The following RERE variants were observed in gnomAD, a reference collection of about 807,000 sequenced individuals.
RERE encodes arginine-glutamic acid dipeptide repeats, also known as arginine-glutamic acid dipeptide repeats protein.
Under a neutral mutation model 146.1 loss-of-function variants are expected in RERE, and 40 were observed. The observed-to-expected ratio is 0.27, with a 90% CI of 0.21 to 0.36. The LOEUF (loss-of-function observed/expected upper bound fraction) is 0.36, where lower values mean the gene tolerates loss of function less well. RERE is among the 10% of genes least tolerant of loss of function. The pLI, the probability that RERE is intolerant of heterozygous loss-of-function variation, is 1.00. For synonymous variants in RERE, 1,003 were observed against 866.0 expected, an observed-to-expected ratio of 1.16 and a Z score of -2.78; for missense variants, 1,933 against 2,138.7, an observed-to-expected ratio of 0.90 and a Z score of 1.90.
intron 1 of RERE, chr1:8,703,010 C>T (rs1639486662): frequency 6.6e-6 from 1 of 151,932 alleles, no homozygotes; most frequent in Non-Finnish European, 1.5e-5. Flanking sequence ...CTTTCTGGCC[C>T]GAGATTCGCG....
At chr1:8,571,968 A>G (rs1646226518) in intron 4 of RERE, among the ~76,000 whole-genome samples, 1 of 152,232 alleles carries the variant, frequency 6.6e-6, no homozygotes. Context: ...ATTTTTGTCA[A>G]AAAGATTCTG....
intron 1 of RERE, among the ~76,000 whole-genome samples, chr1:8,684,960 C>G (rs1215760749): frequency 6.6e-6 from 1 of 152,194 alleles, no homozygotes; most frequent in Non-Finnish European, 1.5e-5. Flanking sequence ...TGGGCTCAAG[C>G]AATCCTCCTG....
intron 11 of RERE, among the ~76,000 whole-genome samples, chr1:8,433,553 CTT>C (rs35096712): frequency 1.3e-4 from 17 of 130,170 alleles, no homozygotes; most frequent in Admixed American, 2.3e-4. Flanking sequence ...CCATTCATTT[CTT>C]TTTTTTTTTT....
intron 11 of RERE, among the ~76,000 whole-genome samples, chr1:8,430,577 T>C (rs558651482): frequency 1.3e-5 from 2 of 152,184 alleles, no homozygotes; most frequent in Non-Finnish European, 2.9e-5. Context: ...ACGTCCTCCA[T>C]AGTTTTAGGA....
chr1:8,701,339 C>T (rs1407661423), intron 1 of RERE, among the ~76,000 whole-genome samples: 1 of 151,778 alleles, frequency 6.6e-6, no homozygotes, highest in East Asian at 1.9e-4. Context: ...CACTCCCTCC[C>T]TCCCTCTCTC....
chr1:8,617,324 C>CA (rs1162428144), intron 3 of RERE, among the ~76,000 whole-genome samples: 1 of 102,274 alleles, frequency 9.8e-6, no homozygotes, highest in East Asian at 2.8e-4. Context: ...GCCTGGGTGA[C>CA]AAGAGTGAAA....
intron 4 of RERE, among the ~76,000 whole-genome samples, chr1:8,607,584 C>T (rs1336109486): frequency 1.9e-5 from 2 of 102,724 alleles, no homozygotes; most frequent in South Asian, 3.3e-4. Context: ...CTCGCTCTGT[C>T]GTCGAGGCTG....
At chr1:8,395,277 C>T (rs1570133282) in intron 12 of RERE, among the ~76,000 whole-genome samples, 1 of 151,986 alleles carries the variant, frequency 6.6e-6, no homozygotes, top group Non-Finnish European at 1.5e-5. Flanking sequence ...AGTTCAAGAC[C>T]GGCCTCGCCA....
At chr1:8,603,318 T>C (rs1006385804) in intron 4 of RERE, among the ~76,000 whole-genome samples, 7 of 152,216 alleles carry the variant, frequency 4.6e-5, no homozygotes, top group East Asian at 1.9e-4. Flanking sequence ...AGTCACTTCA[T>C]GGCAAGCTGT....
At chr1:8,385,451 C>CA (rs777668233) in intron 12 of RERE, among the ~76,000 whole-genome samples, 1 of 152,018 alleles carries the variant, frequency 6.6e-6, no homozygotes, top group South Asian at 2.1e-4. Flanking sequence ...GATGCAACTG[C>CA]AAAAAACTGA....
chr1:8,698,793 C>T (rs750170175), intron 1 of RERE, among the ~76,000 whole-genome samples: 3 of 152,162 alleles, frequency 2.0e-5, no homozygotes, highest in Admixed American at 1.3e-4. Context: ...GCTAGGATTA[C>T]AGACGTGAGC....
chr1:8,727,493 T>G (rs1415049144), intron 1 of RERE, among the ~76,000 whole-genome samples: 1 of 151,774 alleles, frequency 6.6e-6, no homozygotes, highest in African/African-American at 2.4e-5. Flanking sequence ...GTTTTTTATT[T>G]TTTTGTTGTT....
At chr1:8,625,638 C>A (rs1176565203) in intron 2 of RERE, among the ~76,000 whole-genome samples, 2 of 152,166 alleles carry the variant, frequency 1.3e-5, no homozygotes, top group African/African-American at 4.8e-5. Context: ...TTCCTCTGGA[C>A]CCTTCAGAAT....
intron 1 of RERE, among the ~76,000 whole-genome samples, chr1:8,663,997 C>G (rs918242246): frequency 6.6e-6 from 1 of 152,140 alleles, no homozygotes; most frequent in Non-Finnish European, 1.5e-5. Context: ...CTTTGCCCCC[C>G]AATCCTGCCT....
At chr1:8,759,946 AG>A (rs1242014539) in intron 1 of RERE, among the ~76,000 whole-genome samples, 1 of 152,176 alleles carries the variant, frequency 6.6e-6, no homozygotes, top group East Asian at 1.9e-4. Flanking sequence ...ATATGGGAAA[AG>A]GAAGATTTAT....
At chr1:8,672,755 A>T (rs1444392973) in intron 1 of RERE, among the ~76,000 whole-genome samples, 2 of 152,192 alleles carry the variant, frequency 1.3e-5, no homozygotes, top group East Asian at 3.9e-4. Flanking sequence ...TCAATATGTC[A>T]ATCTTATTGT....
chr1:8,499,935 C>T (rs908482779), intron 8 of RERE, among the ~76,000 whole-genome samples: 4 of 152,068 alleles, frequency 2.6e-5, no homozygotes, highest in African/African-American at 9.7e-5. Flanking sequence ...GACTGACCAA[C>T]ACGGTGAAAC....
At chr1:8,621,097 T>C (rs575323217) in intron 3 of RERE, among the ~76,000 whole-genome samples, 4 of 152,108 alleles carry the variant, frequency 2.6e-5, no homozygotes, top group African/African-American at 9.6e-5. Context: ...AAGCCATGGA[T>C]CTTATCCCCA....
chr1:8,770,304 T>C (rs61784174), intron 1 of RERE, among the ~76,000 whole-genome samples: 1 of 152,134 alleles, frequency 6.6e-6, no homozygotes, highest in Non-Finnish European at 1.5e-5. Context: ...TGGGTACTTA[T>C]TTAAAAAAAA....
Sources: gnomAD v4.1 joint callset for allele counts (sites outside exome capture counted in the v4.1 genomes callset) on GRCh38, gnomAD v4.1.1 for gene constraint, MANE v1.5 for transcripts, NCBI Gene and HGNC (gene_info 2026-07-23, HGNC 2026-07-21) for gene names.